Variants in SYN2 observed in about 807,000 individuals in gnomAD.
The protein encoded by SYN2 is synapsin II.
In SYN2, 19 loss-of-function variants were observed where a neutral mutation model predicts 50.9. The ratio of observed to expected loss-of-function variants is 0.37; its 90% CI spans 0.26 to 0.55. SYN2 has a LOEUF of 0.55. SYN2 is among the 20% of genes least tolerant of loss of function. The probability of loss-of-function intolerance (pLI) is 0.81; values close to 1 mark genes in which losing one functional copy is unlikely to be tolerated. For synonymous variants in SYN2, 255 were observed against 224.9 expected, an observed-to-expected ratio of 1.13 and a Z score of -1.20; for missense variants, 587 against 576.4, an observed-to-expected ratio of 1.02 and a Z score of -0.19.
At chr3:12,027,101 A>G (rs1347541748) in intron 1 of SYN2, among the ~76,000 whole-genome samples, 1 of 152,224 alleles carries the variant, frequency 6.6e-6, no homozygotes, top group African/African-American at 2.4e-5. Context: ...TGTCCTTGCC[A>G]TTCTAAACTC....
chr3:12,178,547 C>T (rs979281485), intron 10 of SYN2, among the ~76,000 whole-genome samples: 3 of 152,222 alleles, frequency 2.0e-5, no homozygotes, highest in African/African-American at 7.2e-5. Flanking sequence ...TCTGCAAGGA[C>T]CTTGCTGGAA....
At chr3:12,037,310 C>T (rs1694519878) in intron 1 of SYN2, among the ~76,000 whole-genome samples, 1 of 152,180 alleles carries the variant, frequency 6.6e-6, no homozygotes, top group Non-Finnish European at 1.5e-5. Flanking sequence ...TACCTATTAT[C>T]CATTTTTAAA....
chr3:12,152,521 C>G (rs1408211044), intron 5 of SYN2, among the ~76,000 whole-genome samples: 2 of 152,134 alleles, frequency 1.3e-5, no homozygotes, highest in Non-Finnish European at 2.9e-5. Flanking sequence ...TAGCATCTAG[C>G]AGGGCTGGCT....
intron 5 of SYN2, chr3:12,153,745 T>A (rs377171247): frequency 2.5e-6 from 4 of 1,608,912 alleles, no homozygotes; most frequent in Non-Finnish European, 3.4e-6. Flanking sequence ...TTAAAGTGAG[T>A]AGGGTGTCCT....
At position 12,163,110 on chromosome 3, in the gene SYN2, T is replaced by C. The variant is rs558114661; in HGVS notation, c.980+956T>C. 1.3e-4 allele frequency among the ~76,000 whole-genome samples: 20 copies of C among 151,872 alleles called. No homozygotes were observed. In the South Asian group the frequency reaches 1.7e-3, roughly 13 times the overall value. On this transcript the variant is annotated intron_variant, in intron 7 of 12. Coordinates refer to ENST00000621198, the MANE Select transcript of SYN2 (RefSeq NM_133625.6). ...CAAAGAAATTAGCCAGACGTGGTGG[T>C]GGGCGCCTCTAGTCCCAGCTACTCA...
chr3:12,149,862 T>A (rs1380637719), intron 4 of SYN2, among the ~76,000 whole-genome samples: 1 of 152,066 alleles, frequency 6.6e-6, no homozygotes, highest in Non-Finnish European at 1.5e-5. Context: ...ATAGCAGAGT[T>A]TGGGAGGAAA....
chr3:12,184,678 C>T (rs997942590), intron 11 of SYN2: 31 of 985,816 alleles, frequency 3.1e-5, no homozygotes, highest in African/African-American at 1.9e-4. Flanking sequence ...GGCTCCACAG[C>T]GGTGGCTCTT....
intron 9 of SYN2, among the ~76,000 whole-genome samples, chr3:12,169,284 A>T (rs11924362): frequency 0.11 from 17,480 of 152,188 alleles, 2,088 homozygotes; most frequent in African/African-American, 0.3. Context: ...AGGGAGGGCA[A>T]CCCAGTTCAG....
chr3:12,183,208 T>TC (rs1286344734), intron 10 of SYN2, 104 bp from the exon 11 acceptor site: 25 of 1,446,422 alleles, frequency 1.7e-5, no homozygotes, highest in Non-Finnish European at 2.0e-5. Flanking sequence ...TCCCACCAGG[T>TC]CCCACCGGAT....
chr3:12,057,282 A>ACGGT (rs1695011810), intron 1 of SYN2, among the ~76,000 whole-genome samples: 2 of 48,114 alleles, frequency 4.2e-5, no homozygotes, highest in African/African-American at 2.3e-4. Context: ...ACAAGGCAAG[A>ACGGT]CTGTCTGTGT....
At chr3:12,082,918 C>G (rs1695612835) in intron 1 of SYN2, among the ~76,000 whole-genome samples, 1 of 151,960 alleles carries the variant, frequency 6.6e-6, no homozygotes. Flanking sequence ...TATTTCTGCC[C>G]CTTGAGAGAG....
intron 4 of SYN2, among the ~76,000 whole-genome samples, chr3:12,149,082 C>T (rs1313015946): frequency 3.9e-5 from 6 of 152,174 alleles, no homozygotes; most frequent in East Asian, 1.9e-4. Context: ...TGAGACCCAA[C>T]GAGAGCCTGG....
intron 1 of SYN2, among the ~76,000 whole-genome samples, chr3:12,056,102 G>A (rs1574913635): frequency 1.3e-5 from 2 of 151,726 alleles, no homozygotes; most frequent in Non-Finnish European, 2.9e-5. Context: ...TCAACTCTAA[G>A]GAAAATAAAG....
At position 12,070,526 on chromosome 3, in the gene SYN2, C is replaced by G; in HGVS notation, c.377+65598C>G. On this transcript the variant is annotated intron_variant, in intron 1 of 12. Coordinates refer to ENST00000621198, the MANE Select transcript of SYN2 (RefSeq NM_133625.6). Reference sequence around the variant, plus strand: ...CCTTCTACAGTGAGTTGCGTGTGGCCCCGGAGGAGCACCTGGTGCTGCTGA... The same window carrying G: ...CCTTCTACAGTGAGTTGCGTGTGGCGCCGGAGGAGCACCTGGTGCTGCTGA... The G allele has an allele frequency of 4.7e-6, 4 of 859,196 alleles. No homozygotes were observed. The Admixed American group carries it at 7.4e-5, about 16-fold the overall frequency. 53.2% of individuals were successfully genotyped at this position (859,196 alleles called of 1,614,324 possible). A position where few individuals can be genotyped will look rare whatever the true frequency, so the allele number is the denominator to read the frequency against.
chr3:12,113,705 C>A (rs1009421388), intron 1 of SYN2, among the ~76,000 whole-genome samples: 5 of 152,098 alleles, frequency 3.3e-5, no homozygotes, highest in Admixed American at 6.5e-5. Context: ...ACACAATGTA[C>A]TAGTTTTGGT....
intron 5 of SYN2, chr3:12,153,829 G>T: frequency 9.1e-7 from 1 of 1,095,748 alleles, no homozygotes; most frequent in Non-Finnish European, 1.3e-6. Context: ...ATCTTATCAA[G>T]CCTTTCCCAG....
chr3:12,029,867 A>T (rs1694344141), intron 1 of SYN2, among the ~76,000 whole-genome samples: 2 of 103,626 alleles, frequency 1.9e-5, no homozygotes, highest in East Asian at 2.6e-4. Flanking sequence ...AATACCCTTT[A>T]TTTCTTTCTC....
chr3:12,068,240 T>TA (rs5846744), intron 1 of SYN2, among the ~76,000 whole-genome samples: 148,480 of 152,250 alleles, frequency 0.98, 72,431 homozygotes, highest in East Asian at 1. Flanking sequence ...ACCTTGTACT[T>TA]ATTGATAGTT....
chr3:12,100,086 A>G (rs1696039132), intron 1 of SYN2, among the ~76,000 whole-genome samples: 1 of 152,052 alleles, frequency 6.6e-6, no homozygotes, highest in Admixed American at 6.5e-5. Context: ...AGTGGATTTG[A>G]TATGGATTAC....
Sources: allele counts gnomAD v4.1 joint callset (sites outside exome capture counted in the v4.1 genomes callset), GRCh38; gene constraint gnomAD v4.1.1; transcripts MANE v1.5; gene names NCBI Gene and HGNC (gene_info 2026-07-23, HGNC 2026-07-21).